SPATA6L: variants seen among roughly 807,000 people sequenced by gnomAD.
SPATA6L encodes spermatogenesis associated 6-like protein.
In SPATA6L, 68 loss-of-function variants were observed where a neutral mutation model predicts 49.2. That is an observed-to-expected ratio of 1.38 (90% CI 1.14 to 1.69). SPATA6L has a LOEUF of 1.69. SPATA6L is among the 40% of genes most tolerant of loss of function. The pLI is 0.00. For missense variants in SPATA6L, 668 were observed against 464.3 expected (o/e 1.44, Z -4.03); for synonymous variants, 198 against 165.7 (o/e 1.19, Z -1.50).
chr9:4,666,205 C>T lies in SPATA6L; in HGVS notation c.39+7G>A, dbSNP rs375872212. On this transcript the variant is annotated splice_region_variant and intron_variant, in intron 1 of 11. Transcript: ENST00000682582. ...GGTTAAGGAGGGGGAGTTCATCGAT[C>T]TCTTACCGCCCGGATCTGCAGCTCC... 8.1e-6 allele frequency: 13 copies of T among 1,614,104 alleles called. No individual in the cohort carries two copies. The highest frequency in any genetic ancestry group is 1.0e-5 in the Non-Finnish European group (12 of 1,180,002).
chr9:4,627,520 C>T (rs1468121075), intron 5 of SPATA6L: 13 of 324,266 alleles, frequency 4.0e-5, no homozygotes, highest in Non-Finnish European at 6.0e-6. Flanking sequence ...CATTTTGTTT[C>T]ACTTACAGGT....
intron 4 of SPATA6L, among the ~76,000 whole-genome samples, chr9:4,629,769 G>GTGTGTGTGTGTGTGTATATA (rs1311805859): frequency 9.8e-5 from 10 of 101,936 alleles, no homozygotes; most frequent in African/African-American, 5.0e-4. Flanking sequence ...GTGTGTGTGT[G>GTGTGTGTGTGTGTGTATATA]TATATATATA....
chr9:4,607,108 T>G lies in SPATA6L; in HGVS notation c.996-1668A>C, dbSNP rs918198489. Among the ~76,000 whole-genome samples, 448 of 151,732 alleles carry G rather than the reference T, an allele frequency of 3.0e-3. 7 individuals are homozygous for G. Among genetic ancestry groups the G allele is most frequent in the Middle Eastern group, 3.4e-3 (1 of 294 alleles). On this transcript the variant is annotated intron_variant, in intron 9 of 11. Transcript: ENST00000682582. ...AAGTTTAGAGAAAAAAGAATAAAAA[T>G]AAATGAGCAAAGCCTCCAAGAAATA...
chr9:4,663,038 G>A lies in SPATA6L; in HGVS notation c.40-1002C>T, dbSNP rs774674267. 4.3e-6 allele frequency: 7 copies of A among 1,613,774 alleles called. No individual in the cohort carries two copies. Among genetic ancestry groups the A allele is most frequent in the African/African-American group, 2.7e-5 (2 of 74,900 alleles). On this transcript the variant is annotated intron_variant, in intron 1 of 11. Transcript: ENST00000682582. Reference sequence around the variant, plus strand: ...GCCATGCCACAAGGGCCGCCCTGATGTCGAGGTTCATCCTGAACCACCTGG... The same window carrying A: ...GCCATGCCACAAGGGCCGCCCTGATATCGAGGTTCATCCTGAACCACCTGG...
intron 9 of SPATA6L, among the ~76,000 whole-genome samples, chr9:4,611,796 A>T (rs1045729818): frequency 1.3e-5 from 2 of 150,348 alleles, no homozygotes; most frequent in Non-Finnish European, 2.9e-5. Context: ...CTTAAAGTAT[A>T]ATAATAAAAG....
At chr9:4,613,457 A>G (rs1827249565) in intron 9 of SPATA6L, among the ~76,000 whole-genome samples, 1 of 142,182 alleles carries the variant, frequency 7.0e-6, no homozygotes, top group Non-Finnish European at 1.6e-5. Flanking sequence ...CAGGGAGATA[A>G]GACCAACAGT....
intron 11 of SPATA6L, among the ~76,000 whole-genome samples, chr9:4,602,481 C>A (rs531742214): frequency 2.6e-5 from 4 of 152,216 alleles, no homozygotes; most frequent in African/African-American, 9.6e-5. Context: ...GGCAAGCCAA[C>A]TTGTTCTGTA....
intron 9 of SPATA6L, among the ~76,000 whole-genome samples, chr9:4,616,648 C>A (rs373889240): frequency 1.3e-5 from 2 of 152,196 alleles, no homozygotes; most frequent in East Asian, 3.8e-4. Context: ...TGCAATGGCA[C>A]GATCTCAGCT....
downstream of SPATA6L, among the ~76,000 whole-genome samples, chr9:4,595,545 C>A (rs1052422649): frequency 2.0e-5 from 3 of 152,198 alleles, no homozygotes; most frequent in African/African-American, 7.2e-5. Flanking sequence ...ATTTAGGACA[C>A]TTCAGAAGAT....
Position 4,625,345 on chromosome 9 carries a change from AG to A in SPATA6L, c.650del (p.Pro217LeufsTer23). 1 of 1,613,426 alleles carries A rather than the reference AG, an allele frequency of 6.2e-7. No homozygotes were observed. The highest frequency in any genetic ancestry group is 8.5e-7 in the Non-Finnish European group (1 of 1,179,732). ...GGCTCACGTGTCTAACAACAAATGG[AG>A]GCTTGCTTCCTCCAGAGATTTTGAA... is the stretch of plus-strand genomic sequence containing the variant. Reference protein sequence around the residue: ...NNFKISGGSKPPFVVRHVDSA... With the variant: ...NNFKISGGSKXPFVVRHVDSA... On this transcript the variant is annotated frameshift_variant, in exon 6 of 12. Transcript: ENST00000682582. LOFTEE classifies it high-confidence loss of function.
intron 7 of SPATA6L, among the ~76,000 whole-genome samples, chr9:4,622,003 C>A (rs1174357047): frequency 6.6e-6 from 1 of 152,214 alleles, no homozygotes; most frequent in African/African-American, 2.4e-5. Flanking sequence ...TCTTGTAAAG[C>A]AAATGTTACA....
chr9:4,592,515 T>A (rs1360681364), intron 13 of SPATA6L, among the ~76,000 whole-genome samples: 1 of 152,072 alleles, frequency 6.6e-6, no homozygotes, highest in Admixed American at 6.6e-5. Context: ...TTAAGCAACT[T>A]CCCCAAAGAC....
intron 9 of SPATA6L, among the ~76,000 whole-genome samples, chr9:4,610,698 A>G (rs1336167172): frequency 6.6e-6 from 1 of 152,192 alleles, no homozygotes; most frequent in Non-Finnish European, 1.5e-5. Flanking sequence ...AAAACCCTAG[A>G]AGAAAACCTA....
In SPATA6L at chr9:4,666,347, T is replaced by C. The variant is rs1840864405; in HGVS notation, c.-97A>G. On this transcript the variant is annotated 5_prime_UTR_variant, in exon 1 of 12. Coordinates refer to ENST00000682582, the MANE Select transcript of SPATA6L (RefSeq NM_001353486.2). ...AGTTTAGCTGAATACCTAGAGCAAA[T>C]GTTCCCAGAAGCTTCCCCAGTCCCA... 3 of 1,333,302 alleles carry C rather than the reference T, an allele frequency of 2.3e-6. No individual in the cohort carries two copies. The highest frequency in any genetic ancestry group is 1.8e-5 in the Admixed American group (1 of 54,424). 82.6% of individuals were successfully genotyped at this position (1,333,302 alleles called of 1,614,324 possible).
At chr9:4,606,240 C>T (rs1306139116) in intron 9 of SPATA6L, among the ~76,000 whole-genome samples, 15 of 145,288 alleles carry the variant, frequency 1.0e-4, no homozygotes, top group East Asian at 2.2e-4. Flanking sequence ...CCGCCATTGC[C>T]CAGGCTTGCT....
rs575060963 is a variant in SPATA6L, at chr9:4,662,526, G to T, written c.40-490C>A. 3.2e-6 allele frequency: 5 copies of T among 1,565,496 alleles called. No homozygotes were observed. In the East Asian group the frequency reaches 1.1e-4, roughly 36 times the overall value. On this transcript the variant is annotated intron_variant, in intron 1 of 11. Coordinates refer to ENST00000682582, the MANE Select transcript of SPATA6L (RefSeq NM_001353486.2). The surrounding 1 kb of genome is among the most constrained non-coding windows in gnomAD (Gnocchi z 4.9). ...CCTGCTCAGCAGCCGCGCCACGGCCGTGGACCCCACCTGCGCCCGGCTCCG... is the reference window on the plus strand; with the variant it reads ...CCTGCTCAGCAGCCGCGCCACGGCCTTGGACCCCACCTGCGCCCGGCTCCG...
intron 3 of SPATA6L, among the ~76,000 whole-genome samples, chr9:4,642,414 G>T (rs1278883108): frequency 6.6e-6 from 1 of 152,166 alleles, no homozygotes; most frequent in African/African-American, 2.4e-5. Context: ...GGAGGCACCT[G>T]CTCAGTTCCG....
intron 3 of SPATA6L, among the ~76,000 whole-genome samples, chr9:4,655,239 C>T (rs1308907865): frequency 2.0e-5 from 3 of 152,166 alleles, no homozygotes; most frequent in Admixed American, 6.5e-5. Flanking sequence ...CTGGCACATG[C>T]TATAATATGG....
At chr9:4,657,792 AGATT>A (rs1158904244) in intron 2 of SPATA6L, among the ~76,000 whole-genome samples, 1 of 152,200 alleles carries the variant, frequency 6.6e-6, no homozygotes, top group Non-Finnish European at 1.5e-5. Context: ...CTCTAGCTAA[AGATT>A]AGTTGGCAGT....
Sources: allele counts gnomAD v4.1 joint callset (sites outside exome capture counted in the v4.1 genomes callset), GRCh38; gene constraint gnomAD v4.1.1; non-coding constraint Gnocchi (gnomAD v3.1); transcripts MANE v1.5; gene names NCBI Gene and HGNC (gene_info 2026-07-23, HGNC 2026-07-21).